The following NCAM2 variants were observed in gnomAD, a reference collection of about 807,000 sequenced individuals.
NCAM2 encodes N-CAM-2.
A neutral mutation model predicts 98.1 loss-of-function variants in NCAM2; 30 were observed. That is an observed-to-expected ratio of 0.31 (90% CI 0.23 to 0.41). The LOEUF (loss-of-function observed/expected upper bound fraction) is 0.41. Ranked by LOEUF, NCAM2 falls within the 10% of genes least tolerant of loss-of-function variation. NCAM2 has a pLI of 1.00. For missense variants in NCAM2, 867 were observed against 1,005.8 expected (o/e 0.86, Z 1.87); for synonymous variants, 368 against 342.4 (o/e 1.07, Z -0.83).
chr21:21,530,419 A>G (rs905782161), intron 16 of NCAM2, among the ~76,000 whole-genome samples: 3 of 149,196 alleles, frequency 2.0e-5, no homozygotes, highest in Non-Finnish European at 3.0e-5. Context: ...AGAAATGTAA[A>G]AAGTAGAAAT....
chr21:21,128,894 C>A (rs1457113769), intron 1 of NCAM2, among the ~76,000 whole-genome samples: 1 of 151,988 alleles, frequency 6.6e-6, no homozygotes, highest in Non-Finnish European at 1.5e-5. Context: ...AGAAAATAAT[C>A]TTAGAGGGAT....
chr21:21,402,301 A>G (rs778580604), intron 9 of NCAM2, among the ~76,000 whole-genome samples: 18 of 152,112 alleles, frequency 1.2e-4, no homozygotes, highest in Non-Finnish European at 2.1e-4. Context: ...AAAGAATTGC[A>G]TTCCTGGGGG....
chr21:21,270,835 G>A (rs1473856270), intron 1 of NCAM2, among the ~76,000 whole-genome samples: 1 of 151,704 alleles, frequency 6.6e-6, no homozygotes, highest in African/African-American at 2.4e-5. Flanking sequence ...GTGGCTTGAT[G>A]TCTGATGGGC....
chr21:21,023,726 C>T (rs2064484013), intron 1 of NCAM2, among the ~76,000 whole-genome samples: 1 of 151,988 alleles, frequency 6.6e-6, no homozygotes, highest in Non-Finnish European at 1.5e-5. Flanking sequence ...ATCTAATTTA[C>T]TCATATATGC....
At position 21,538,630 on chromosome 21, in the gene NCAM2, A is replaced by G. The variant is rs1384783193; in HGVS notation, c.*673A>G. 6.6e-6 allele frequency: 1 copy of G among 152,204 alleles called. No homozygotes were observed. Among genetic ancestry groups the G allele is most frequent in the Non-Finnish European group, 1.5e-5 (1 of 68,004 alleles). The allele number at this position is 152,204 out of a possible 1,614,324, so 9.4% of individuals were successfully genotyped here. On this transcript the variant is annotated 3_prime_UTR_variant, in exon 18 of 18. Transcript: ENST00000400546. ...GAATATTAGTTGTATATAAAATTAG[A>G]TTAGAAAGACTTTCTAAATCTCTAT...
intron 1 of NCAM2, among the ~76,000 whole-genome samples, chr21:21,107,378 A>T (rs1437328028): frequency 1.3e-5 from 2 of 151,978 alleles, no homozygotes; most frequent in African/African-American, 4.8e-5. Context: ...ACTATATCTG[A>T]TGTTTTTTTC....
At chr21:21,387,176 G>GCACACA (rs1380226141) in intron 9 of NCAM2, among the ~76,000 whole-genome samples, 6 of 125,440 alleles carry the variant, frequency 4.8e-5, no homozygotes, top group Non-Finnish European at 8.6e-5. Context: ...TACTTGGTGC[G>GCACACA]CACACACACA....
Position 21,181,848 on chromosome 21 carries a change from C to T in NCAM2, c.56-98730C>T, listed in dbSNP as rs553164624. Reference sequence around the variant, plus strand: ...TAATTTATCAGTCTGCTGCCTGTCTCCCTGTCCCATAGGATGTAATCTCTG... The same window carrying T: ...TAATTTATCAGTCTGCTGCCTGTCTTCCTGTCCCATAGGATGTAATCTCTG... On this transcript the variant is annotated intron_variant, in intron 1 of 17. Transcript: ENST00000400546. Among the ~76,000 whole-genome samples the T allele has an allele frequency of 5.9e-5, 9 of 152,042 alleles. No individual in the cohort carries two copies. The East Asian group carries it at 1.2e-3, about 20-fold the overall frequency.
At chr21:21,071,815 A>G (rs1486936808) in intron 1 of NCAM2, among the ~76,000 whole-genome samples, 1 of 152,214 alleles carries the variant, frequency 6.6e-6, no homozygotes. Flanking sequence ...AAAAAGATTC[A>G]GTAAATGTTA....
In NCAM2 at chr21:21,142,622, G is replaced by A. The variant is rs191124148; in HGVS notation, c.56-137956G>A. 6.2e-3 allele frequency among the ~76,000 whole-genome samples: 939 copies of A among 151,990 alleles called. 11 individuals are homozygous for A. Among genetic ancestry groups the A allele is most frequent in the African/African-American group, 0.022 (914 of 41,484 alleles). ...TCTTGATCTCCTGACCTCGTGATCC[G>A]CCCGCCTAGGCCTCCCAAAGTGCTG... On this transcript the variant is annotated intron_variant, in intron 1 of 17. Coordinates refer to ENST00000400546, the MANE Select transcript of NCAM2 (RefSeq NM_004540.5).
chr21:21,127,841 AT>A (rs778699036), intron 1 of NCAM2, among the ~76,000 whole-genome samples: 1 of 152,022 alleles, frequency 6.6e-6, no homozygotes, highest in Non-Finnish European at 1.5e-5. Flanking sequence ...TACACAAACT[AT>A]TTTTTCTATA....
At chr21:21,369,453 G>T (rs1202539157) in intron 8 of NCAM2, among the ~76,000 whole-genome samples, 1 of 151,554 alleles carries the variant, frequency 6.6e-6, no homozygotes, top group Admixed American at 6.6e-5. Flanking sequence ...ACAAGTTTTT[G>T]TGTGGACATA....
At chr21:21,384,555 T>C (rs1213183438) in intron 9 of NCAM2, among the ~76,000 whole-genome samples, 1 of 151,946 alleles carries the variant, frequency 6.6e-6, no homozygotes, top group Non-Finnish European at 1.5e-5. Context: ...TCCAAACTTT[T>C]GCTACATATA....
intron 5 of NCAM2, among the ~76,000 whole-genome samples, chr21:21,320,294 A>T (rs2074342846): frequency 6.6e-6 from 1 of 152,192 alleles, no homozygotes; most frequent in South Asian, 2.1e-4. Context: ...AAAGAATTGT[A>T]TGTACGTATT....
chr21:21,348,324 G>A (rs2075243618), intron 8 of NCAM2, among the ~76,000 whole-genome samples: 1 of 151,876 alleles, frequency 6.6e-6, no homozygotes, highest in South Asian at 2.1e-4. Flanking sequence ...AGTGAAGAAT[G>A]TGAAAAATAA....
At chr21:21,189,599 A>T (rs1415360624) in intron 1 of NCAM2, among the ~76,000 whole-genome samples, 4 of 152,128 alleles carry the variant, frequency 2.6e-5, no homozygotes, top group Non-Finnish European at 5.9e-5. Context: ...TCCAGACTTG[A>T]TTTTAGCAAG....
chr21:21,233,123 C>G (rs528535060), intron 1 of NCAM2, among the ~76,000 whole-genome samples: 1 of 151,224 alleles, frequency 6.6e-6, no homozygotes, highest in Non-Finnish European at 1.5e-5. Context: ...TTTTTATTTT[C>G]TACTTGGCAG....
At chr21:21,458,535 A>G (rs1982488690) in intron 12 of NCAM2, among the ~76,000 whole-genome samples, 1 of 152,162 alleles carries the variant, frequency 6.6e-6, no homozygotes, top group Non-Finnish European at 1.5e-5. Context: ...TGCCTTTATT[A>G]GATAGACCTC....
At chr21:21,236,452 T>G (rs1481311066) in intron 1 of NCAM2, among the ~76,000 whole-genome samples, 1 of 152,148 alleles carries the variant, frequency 6.6e-6, no homozygotes, top group African/African-American at 2.4e-5. Context: ...TTTGTAATTT[T>G]TTTTTGCAAA....
Sources: allele counts gnomAD v4.1 joint callset (sites outside exome capture counted in the v4.1 genomes callset), GRCh38; gene constraint gnomAD v4.1.1; transcripts MANE v1.5; gene names NCBI Gene and HGNC (gene_info 2026-07-23, HGNC 2026-07-21).